CDH18: variants seen among roughly 807,000 people sequenced by gnomAD.
The protein encoded by CDH18 is cadherin-18.
Under a neutral mutation model 67.9 loss-of-function variants are expected in CDH18, and 31 were observed. The ratio of observed to expected loss-of-function variants is 0.46; its 90% confidence interval spans 0.34 to 0.62. The LOEUF (loss-of-function observed/expected upper bound fraction) is 0.62, where lower values mean the gene tolerates loss of function less well. Among genes scored for constraint, CDH18 ranks in the 20% least tolerant of loss-of-function variants. The probability of loss-of-function intolerance (pLI) is 0.01; values close to 1 mark genes in which losing one functional copy is unlikely to be tolerated. For missense variants in CDH18, 890 were observed against 975.5 expected (o/e 0.91, Z 1.17); for synonymous variants, 362 against 347.2 (o/e 1.04, Z -0.48).
intron 2 of CDH18, among the ~76,000 whole-genome samples, chr5:19,860,197 C>A (rs1029278022): frequency 6.6e-6 from 1 of 152,096 alleles, no homozygotes; most frequent in Non-Finnish European, 1.5e-5. Flanking sequence ...CAGAATATGA[C>A]TAAACAGTGA....
rs1173501718 is a variant in CDH18 at position 20,557,132 on chromosome 5, T to TA, written c.-580+18329dup. On this transcript the variant is annotated intron_variant, in intron 1 of 14. Transcript: ENST00000507958. ...ATGTCTGATAGTAACAGGTACAGAA[T>TA]AAAAAATGTTAATTATCAACTTTGT... is the stretch of plus-strand genomic sequence containing the variant. Among the ~76,000 whole-genome samples, 11 of 152,230 alleles carry TA rather than the reference T, an allele frequency of 7.2e-5. No individual in the cohort carries two copies. In the East Asian group the frequency reaches 2.1e-3, roughly 29 times the overall value.
chr5:19,557,724 T>C (rs1738689175), intron 8 of CDH18, among the ~76,000 whole-genome samples: 1 of 152,106 alleles, frequency 6.6e-6, no homozygotes, highest in Non-Finnish European at 1.5e-5. Context: ...CTGACAGCAC[T>C]AGACAGGTCA....
intron 1 of CDH18, among the ~76,000 whole-genome samples, chr5:20,544,686 C>T (rs1021022897): frequency 5.9e-5 from 9 of 152,130 alleles, no homozygotes; most frequent in Non-Finnish European, 1.2e-4. Context: ...ATCCAATCAC[C>T]TCCCACCAGG....
At chr5:19,563,200 A>G (rs886485507) in intron 8 of CDH18, among the ~76,000 whole-genome samples, 52 of 152,170 alleles carry the variant, frequency 3.4e-4, no homozygotes, top group South Asian at 6.2e-4. Flanking sequence ...TAGTTATAGT[A>G]TAATAGGGAG....
chr5:19,538,645 G>C lies in CDH18; in HGVS notation c.1390+5224C>G, dbSNP rs896227138. Reference sequence around the variant, plus strand: ...CACCAAACATCAGCTTCCCTACAGGGCCATATTAGAATAAGCACAGATTTA... The same window carrying C: ...CACCAAACATCAGCTTCCCTACAGGCCCATATTAGAATAAGCACAGATTTA... On this transcript the variant is annotated intron_variant, in intron 9 of 12. Coordinates refer to ENST00000382275, the MANE Select transcript of CDH18 (RefSeq NM_004934.5). 3.9e-5 allele frequency among the ~76,000 whole-genome samples: 6 copies of C among 152,082 alleles called. 1 individual carries two copies. The highest frequency in any genetic ancestry group is 1.4e-4 in the African/African-American group (6 of 41,478).
At chr5:20,247,835 A>T (rs1743503023) in intron 2 of CDH18, among the ~76,000 whole-genome samples, 1 of 152,042 alleles carries the variant, frequency 6.6e-6, no homozygotes, top group African/African-American at 2.4e-5. Context: ...TGCCACTCTG[A>T]TTTGTCAATA....
At chr5:20,183,490 T>G (rs1362953639) in intron 2 of CDH18, among the ~76,000 whole-genome samples, 1 of 151,954 alleles carries the variant, frequency 6.6e-6, no homozygotes, top group African/African-American at 2.4e-5. Context: ...TAGGCAACGA[T>G]ATTCTCCAAA....
At chr5:20,173,271 T>G (rs191122557) in intron 2 of CDH18, among the ~76,000 whole-genome samples, 1 of 152,110 alleles carries the variant, frequency 6.6e-6, no homozygotes, top group Non-Finnish European at 1.5e-5. Context: ...TAAACCAAAA[T>G]TATGGGGTAT....
intron 2 of CDH18, among the ~76,000 whole-genome samples, chr5:20,116,962 C>A (rs1478968278): frequency 1.3e-5 from 2 of 151,912 alleles, no homozygotes; most frequent in Non-Finnish European, 2.9e-5. Flanking sequence ...AAACTTTTTA[C>A]CCATGCCTAG....
chr5:19,599,836 G>A (rs1369342420), intron 6 of CDH18, among the ~76,000 whole-genome samples: 1 of 152,044 alleles, frequency 6.6e-6, no homozygotes. Context: ...GCAGTGAGCC[G>A]AGATCGCACC....
chr5:19,687,988 A>T (rs1462588549), intron 5 of CDH18, among the ~76,000 whole-genome samples: 1 of 152,126 alleles, frequency 6.6e-6, no homozygotes, highest in Non-Finnish European at 1.5e-5. Context: ...AGGGCCTGGG[A>T]ATCACCGTGC....
chr5:19,495,711 C>A (rs1226270913), intron 11 of CDH18, among the ~76,000 whole-genome samples: 5 of 67,592 alleles, frequency 7.4e-5, no homozygotes, highest in African/African-American at 3.4e-4. Flanking sequence ...AAGAGTGAAA[C>A]TGTCTCAAAA....
At chr5:19,866,346 A>C (rs1561471036) in intron 2 of CDH18, among the ~76,000 whole-genome samples, 1 of 152,348 alleles carries the variant, frequency 6.6e-6, no homozygotes, top group East Asian at 1.9e-4. Flanking sequence ...GCAGGCTTTT[A>C]GTGACTTTTC....
At chr5:19,813,745 C>G (rs1454562546) in intron 3 of CDH18, among the ~76,000 whole-genome samples, 1 of 151,944 alleles carries the variant, frequency 6.6e-6, no homozygotes, top group Admixed American at 6.6e-5. Context: ...TGTCATAAAC[C>G]ATTAAAATAC....
chr5:19,683,179 T>G (rs1484446754), intron 5 of CDH18, among the ~76,000 whole-genome samples: 6 of 152,080 alleles, frequency 3.9e-5, no homozygotes, highest in Admixed American at 3.9e-4. Context: ...CAGACCTCTG[T>G]GCAAATAGGA....
intron 5 of CDH18, among the ~76,000 whole-genome samples, chr5:19,673,143 G>A (rs1319218361): frequency 6.6e-6 from 1 of 152,096 alleles, no homozygotes; most frequent in East Asian, 1.9e-4. Context: ...TCCAGGGAGA[G>A]CTGTCTTTAC....
At chr5:19,775,331 C>G (rs540366821) in intron 3 of CDH18, among the ~76,000 whole-genome samples, 2 of 152,112 alleles carry the variant, frequency 1.3e-5, no homozygotes, top group African/African-American at 4.8e-5. Flanking sequence ...ATACCTGAGA[C>G]GGGGTAATTT....
chr5:19,859,435 T>C (rs1784641129), intron 2 of CDH18, among the ~76,000 whole-genome samples: 1 of 152,140 alleles, frequency 6.6e-6, no homozygotes, highest in Non-Finnish European at 1.5e-5. Flanking sequence ...GAAATAACCC[T>C]GAAAAGCTGT....
At chr5:20,233,673 A>G (rs1054760984) in intron 2 of CDH18, among the ~76,000 whole-genome samples, 1 of 152,034 alleles carries the variant, frequency 6.6e-6, no homozygotes, top group African/African-American at 2.4e-5. Flanking sequence ...TTTATTTAAG[A>G]ATGAATTTAT....
Sources: gnomAD v4.1 joint callset for allele counts (sites outside exome capture counted in the v4.1 genomes callset) on GRCh38, gnomAD v4.1.1 for gene constraint, MANE v1.5 for transcripts, NCBI Gene and HGNC (gene_info 2026-07-23, HGNC 2026-07-21) for gene names.